Variants in NALF1 observed in about 807,000 individuals in gnomAD.
The protein encoded by NALF1 is family with sequence similarity 155 member A.
NALF1 carries 3 observed loss-of-function variants against 48.4 expected under a neutral mutation model. That is an observed-to-expected ratio of 0.06 (90% CI 0.03 to 0.16). NALF1 has a LOEUF of 0.16. NALF1 is among the 10% of genes least tolerant of loss of function. The probability of loss-of-function intolerance (pLI) is 1.00; values close to 1 mark genes in which losing one functional copy is unlikely to be tolerated. For missense variants in NALF1, 526 were observed against 571.5 expected (o/e 0.92, Z 0.81); for synonymous variants, 262 against 245.7 (o/e 1.07, Z -0.62).
At chr13:107,339,529 C>T (rs779610263) in intron 1 of NALF1, among the ~76,000 whole-genome samples, 8 of 152,092 alleles carry the variant, frequency 5.3e-5, no homozygotes, top group Non-Finnish European at 1.0e-4. Context: ...AGTTCGTAGA[C>T]CACTCTCAGA....
chr13:107,384,209 T>C (rs1883487631), intron 1 of NALF1, among the ~76,000 whole-genome samples: 1 of 152,082 alleles, frequency 6.6e-6, no homozygotes, highest in Non-Finnish European at 1.5e-5. Flanking sequence ...GCTGTGACTA[T>C]ACCACTGGAC....
intron 1 of NALF1, among the ~76,000 whole-genome samples, chr13:107,301,487 C>G (rs1881836131): frequency 6.6e-6 from 1 of 151,986 alleles, no homozygotes; most frequent in African/African-American, 2.4e-5. Flanking sequence ...CAAAAAATAA[C>G]AAAAGCAAAA....
chr13:107,795,123 T>C (rs867265848), intron 1 of NALF1, among the ~76,000 whole-genome samples: 1 of 152,212 alleles, frequency 6.6e-6, no homozygotes, highest in Non-Finnish European at 1.5e-5. Context: ...AAGATAATGT[T>C]AGACACATGC....
At position 107,252,514 on chromosome 13, in the gene NALF1, A is replaced by C. The variant is rs149574890; in HGVS notation, c.916-41759T>G. 3.3e-5 allele frequency among the ~76,000 whole-genome samples: 5 copies of C among 152,118 alleles called. No individual in the cohort carries two copies. The East Asian group carries it at 9.7e-4, about 30-fold the overall frequency. ...AAGGAAGGAGGAGGGAAGGGGAAAA[A>C]GAAAGAAGGAGACAGAAGACAGAGA... On this transcript the variant is annotated intron_variant, in intron 1 of 2. Transcript: ENST00000375915.
chr13:107,307,065 G>T (rs1005668988), intron 1 of NALF1, among the ~76,000 whole-genome samples: 1 of 152,160 alleles, frequency 6.6e-6, no homozygotes, highest in East Asian at 1.9e-4. Context: ...TTAATAACAC[G>T]TTTTCATATT....
intron 1 of NALF1, among the ~76,000 whole-genome samples, chr13:107,483,197 T>C: frequency 6.6e-6 from 1 of 152,182 alleles, no homozygotes; most frequent in East Asian, 1.9e-4. Flanking sequence ...ACAGATGAAT[T>C]AATGTTGTAT....
At chr13:107,491,014 A>G (rs1161188214) in intron 1 of NALF1, among the ~76,000 whole-genome samples, 1 of 152,188 alleles carries the variant, frequency 6.6e-6, no homozygotes, top group Non-Finnish European at 1.5e-5. Context: ...AAAGTTCTCT[A>G]TCTTAAAGGT....
chr13:107,660,659 C>A (rs1880713982), intron 1 of NALF1, among the ~76,000 whole-genome samples: 1 of 151,884 alleles, frequency 6.6e-6, no homozygotes, highest in Non-Finnish European at 1.5e-5. Flanking sequence ...TATCTTTAGG[C>A]CATTGAAAAA....
chr13:107,257,496 T>A lies in NALF1; in HGVS notation c.916-46741A>T, dbSNP rs997590280. On this transcript the variant is annotated intron_variant, in intron 1 of 2. Coordinates refer to ENST00000375915, the MANE Select transcript of NALF1 (RefSeq NM_001080396.3). ...TTCAAAATTGTTTCTTCTGCTTTTT[T>A]TTTTTTTCTGCTTTGAATTTGATAT... is the stretch of plus-strand genomic sequence containing the variant. 5.5e-3 allele frequency among the ~76,000 whole-genome samples: 825 copies of A among 150,716 alleles called. 3 individuals carry two copies. Among genetic ancestry groups the A allele is most frequent in the Non-Finnish European group, 9.1e-3 (616 of 67,748 alleles).
chr13:107,286,175 T>C (rs948331376), intron 1 of NALF1, among the ~76,000 whole-genome samples: 10 of 152,172 alleles, frequency 6.6e-5, no homozygotes, highest in African/African-American at 2.4e-4. Flanking sequence ...TATAAAATGG[T>C]TCGGCGGCTG....
intron 1 of NALF1, among the ~76,000 whole-genome samples, chr13:107,697,260 A>T (rs1881720213): frequency 6.6e-6 from 1 of 152,120 alleles, no homozygotes; most frequent in South Asian, 2.1e-4. Flanking sequence ...ACATATGTAT[A>T]AAAGAGTTCT....
chr13:107,596,472 C>G (rs531150637), intron 1 of NALF1, among the ~76,000 whole-genome samples: 1 of 152,212 alleles, frequency 6.6e-6, no homozygotes, highest in Admixed American at 6.5e-5. Context: ...ATATATACAC[C>G]ATGGAATGCT....
chr13:107,866,102 C>G lies in NALF1; in HGVS notation c.495G>C (p.Val165=). ...GGGGGTAACAAGTCTCCAGGCGCCACACGGGCTTGGCAGAGTTTCCTAGAA... is the reference window on the plus strand; with the variant it reads ...GGGGGTAACAAGTCTCCAGGCGCCAGACGGGCTTGGCAGAGTTTCCTAGAA... ...ALFLGNSAKP[V]WRLETCYPQG... The change falls in exon 1 of 3, where the codon GTG becomes GTC. Residue 165 remains valine, a synonymous_variant. Coordinates refer to ENST00000375915, the MANE Select transcript of NALF1 (RefSeq NM_001080396.3). This position sits in a 1 kb window ranked among gnomAD's most constrained non-coding sequence, Gnocchi z 4.4. 6.2e-7 allele frequency: 1 copy of G among 1,612,940 alleles called. No homozygotes were observed. Among genetic ancestry groups the G allele is most frequent in the Non-Finnish European group, 8.5e-7 (1 of 1,179,932 alleles).
chr13:107,655,961 A>G lies in NALF1; in HGVS notation c.915+209721T>C, dbSNP rs550654417. On this transcript the variant is annotated intron_variant, in intron 1 of 2. Transcript: ENST00000375915. ...CTCGGATAATTGGCTAGCCACATGT[A>G]AAATAATAAAACTGGATCCTCATCT... 2.6e-5 allele frequency among the ~76,000 whole-genome samples: 4 copies of G among 152,238 alleles called. No individual in the cohort carries two copies. The South Asian group carries it at 6.2e-4, about 24-fold the overall frequency.
chr13:107,359,128 T>C (rs1883016543), intron 1 of NALF1, among the ~76,000 whole-genome samples: 1 of 152,110 alleles, frequency 6.6e-6, no homozygotes, highest in African/African-American at 2.4e-5. Flanking sequence ...CATTCCTCTG[T>C]CACTCTTATA....
intron 1 of NALF1, among the ~76,000 whole-genome samples, chr13:107,739,687 C>T (rs923447236): frequency 2.0e-5 from 3 of 152,052 alleles, no homozygotes; most frequent in Admixed American, 6.6e-5. Context: ...AATCCCCAAC[C>T]CCAGGTCCAT....
At chr13:107,354,189 A>G (rs1882922868) in intron 1 of NALF1, among the ~76,000 whole-genome samples, 1 of 152,176 alleles carries the variant, frequency 6.6e-6, no homozygotes, top group Admixed American at 6.6e-5. Context: ...GTGTCACTGT[A>G]ACTTGTGGAC....
In NALF1 at chr13:107,164,552, T is replaced by G. The variant is rs1759233803; in HGVS notation, c.*5945A>C. ...CAACCACTTTGAAGTTGCATCATTA[T>G]TTCTACTACCACTGTTGATCAATTT... On this transcript the variant is annotated 3_prime_UTR_variant, in exon 3 of 3. Transcript: ENST00000375915. The G allele has an allele frequency of 6.6e-6, 1 of 152,162 alleles. No individual in the cohort carries two copies. Among genetic ancestry groups the G allele is most frequent in the African/African-American group, 2.4e-5 (1 of 41,450 alleles). 9.4% of individuals were successfully genotyped at this position (152,162 alleles called of 1,614,324 possible).
intron 1 of NALF1, among the ~76,000 whole-genome samples, chr13:107,705,372 C>T (rs138978580): frequency 7.2e-4 from 110 of 152,338 alleles, no homozygotes; most frequent in Non-Finnish European, 1.4e-3. Context: ...AAATCATTTA[C>T]TGCAGTTAGA....
Sources: gnomAD v4.1 joint callset for allele counts (sites outside exome capture counted in the v4.1 genomes callset) on GRCh38, gnomAD v4.1.1 for gene constraint, Gnocchi (gnomAD v3.1) non-coding constraint, MANE v1.5 for transcripts, NCBI Gene and HGNC (gene_info 2026-07-23, HGNC 2026-07-21) for gene names.